Variants in NRXN3 observed in about 807,000 individuals in gnomAD.
The protein encoded by NRXN3 is neurexin 3.
A neutral mutation model predicts 137.6 loss-of-function variants in NRXN3; 32 were observed. The observed-to-expected ratio is 0.23, with a 90% CI of 0.18 to 0.31. NRXN3 has a LOEUF of 0.31. Among genes scored for constraint, NRXN3 ranks in the 10% least tolerant of loss-of-function variants. The pLI is 1.00. For synonymous variants in NRXN3, 798 were observed against 784.5 expected (o/e 1.02, Z -0.29); for missense variants, 1,574 against 2,062.5 (o/e 0.76, Z 4.59).
intron 19 of NRXN3, among the ~76,000 whole-genome samples, chr14:79,720,988 A>T (rs2098842460): frequency 6.6e-6 from 1 of 152,168 alleles, no homozygotes; most frequent in Non-Finnish European, 1.5e-5. Flanking sequence ...ATACTGAGTG[A>T]GTTTTGCTCT....
At chr14:78,429,272 T>A (rs2153685667) in intron 4 of NRXN3, among the ~76,000 whole-genome samples, 1 of 151,860 alleles carries the variant, frequency 6.6e-6, no homozygotes, top group African/African-American at 2.4e-5. Context: ...AGAGATGGGG[T>A]TTTGCTATGT....
At chr14:79,705,020 C>T (rs897320323) in intron 19 of NRXN3, among the ~76,000 whole-genome samples, 1 of 152,034 alleles carries the variant, frequency 6.6e-6, no homozygotes, top group Non-Finnish European at 1.5e-5. Context: ...TAGGTCTAGT[C>T]GATGAAAGGG....
chr14:78,607,316 A>G (rs2097261399), intron 4 of NRXN3, among the ~76,000 whole-genome samples: 2 of 152,226 alleles, frequency 1.3e-5, no homozygotes, highest in African/African-American at 2.4e-5. Context: ...CCATGAAAGC[A>G]TTTGATCCTT....
At chr14:78,781,154 C>A (rs2098767884) in intron 8 of NRXN3, among the ~76,000 whole-genome samples, 1 of 152,060 alleles carries the variant, frequency 6.6e-6, no homozygotes, top group African/African-American at 2.4e-5. Flanking sequence ...GTGAAAAAAG[C>A]AAATTACTGA....
chr14:79,856,608 T>G (rs2099403085), intron 20 of NRXN3, among the ~76,000 whole-genome samples: 2 of 124,972 alleles, frequency 1.6e-5, no homozygotes, highest in Admixed American at 9.3e-5. Flanking sequence ...TTCATGCTTG[T>G]TTTTTTGTTC....
intron 10 of NRXN3, among the ~76,000 whole-genome samples, chr14:78,842,909 A>G (rs2099016546): frequency 6.6e-6 from 1 of 152,242 alleles, no homozygotes; most frequent in South Asian, 2.1e-4. Flanking sequence ...TGTTCCCTGA[A>G]CATTGCTGTT....
chr14:78,771,130 G>A (rs2098726424), intron 8 of NRXN3, among the ~76,000 whole-genome samples: 1 of 152,194 alleles, frequency 6.6e-6, no homozygotes, highest in Non-Finnish European at 1.5e-5. Context: ...TTCAGAGGTG[G>A]CACCGCTGAG....
rs373100883 is a variant in NRXN3, at chr14:78,290,655, TTAGG to T, written c.728-7172_728-7169del. 8.5e-5 allele frequency among the ~76,000 whole-genome samples: 13 copies of T among 152,264 alleles called. No homozygotes were observed. The South Asian group carries it at 2.7e-3, about 32-fold the overall frequency. On this transcript the variant is annotated intron_variant, in intron 3 of 20. Transcript: ENST00000335750. ...CCTTGTCTCAAAAAAAAAGGGGGAC[TTAGG>T]TAGAAGGTTTTTTCTAACCCTTCCC...
intron 2 of NRXN3, chr14:78,250,111 G>A (rs767362401): frequency 1.5e-5 from 8 of 516,616 alleles, no homozygotes; most frequent in African/African-American, 1.2e-4. Flanking sequence ...GAAGCTCGGG[G>A]CAAGAGGTTA....
intron 16 of NRXN3, among the ~76,000 whole-genome samples, chr14:79,604,083 G>C (rs2097963734): frequency 6.6e-6 from 1 of 151,820 alleles, no homozygotes; most frequent in Non-Finnish European, 1.5e-5. Context: ...AGTAGAGACG[G>C]GGTTTCACTG....
At chr14:79,001,075 T>C (rs773102264) in intron 15 of NRXN3, among the ~76,000 whole-genome samples, 3 of 152,198 alleles carry the variant, frequency 2.0e-5, no homozygotes, top group African/African-American at 4.8e-5. Flanking sequence ...TAATATTTGA[T>C]TGTGGCTCTA....
At chr14:78,515,550 T>C (rs1475708840) in intron 4 of NRXN3, among the ~76,000 whole-genome samples, 2 of 152,114 alleles carry the variant, frequency 1.3e-5, no homozygotes, top group African/African-American at 4.8e-5. Flanking sequence ...TAGTTCTATA[T>C]GCAACATTTT....
At chr14:79,222,557 G>A (rs112002342) in intron 15 of NRXN3, among the ~76,000 whole-genome samples, 53 of 152,222 alleles carry the variant, frequency 3.5e-4, no homozygotes, top group African/African-American at 1.1e-3. Context: ...CACAACTGCT[G>A]GATTGTATGG....
intron 10 of NRXN3, among the ~76,000 whole-genome samples, chr14:78,855,177 AT>A (rs1463184378): frequency 3.4e-5 from 5 of 148,064 alleles, no homozygotes; most frequent in African/African-American, 1.3e-4. Context: ...AAAAAAAAAC[AT>A]ACAAAAAAGG....
intron 19 of NRXN3, among the ~76,000 whole-genome samples, chr14:79,801,275 T>C (rs550725034): frequency 5.4e-4 from 82 of 152,316 alleles, no homozygotes; most frequent in African/African-American, 1.9e-3. Context: ...AAGCTCTTTA[T>C]GAGTACATTT....
chr14:78,581,379 G>A (rs113107021), intron 4 of NRXN3, among the ~76,000 whole-genome samples: 93 of 152,266 alleles, frequency 6.1e-4, no homozygotes, highest in African/African-American at 2.1e-3. Flanking sequence ...CTCTGCTTCC[G>A]GGACGACAGC....
At chr14:78,513,585 A>G (rs772405533) in intron 4 of NRXN3, among the ~76,000 whole-genome samples, 2 of 152,206 alleles carry the variant, frequency 1.3e-5, no homozygotes, top group Non-Finnish European at 2.9e-5. Context: ...CAGATAAAAA[A>G]TAAATACATG....
In NRXN3 at chr14:78,505,579, AGAT is replaced by A. The variant is rs1326046532; in HGVS notation, c.758-139537_758-139535del. On this transcript the variant is annotated intron_variant, in intron 4 of 20. Transcript: ENST00000335750. ...AAATGCTAGATGAGCAAGATGATAAAGATGATAATTAGCCTGATTTAATCATTT... is the reference window on the plus strand; with the variant it reads ...AAATGCTAGATGAGCAAGATGATAAAGATAATTAGCCTGATTTAATCATTT... Among the ~76,000 whole-genome samples the A allele has an allele frequency of 2.0e-5, 3 of 152,194 alleles. No individual in the cohort carries two copies. In the East Asian group the frequency reaches 5.8e-4, roughly 29 times the overall value.
At chr14:78,271,075 A>G (rs2072650198) in intron 2 of NRXN3, among the ~76,000 whole-genome samples, 1 of 152,232 alleles carries the variant, frequency 6.6e-6, no homozygotes, top group South Asian at 2.1e-4. Context: ...CCTACACTTT[A>G]CAATGATTCA....
Sources: allele counts gnomAD v4.1 joint callset (sites outside exome capture counted in the v4.1 genomes callset), GRCh38; gene constraint gnomAD v4.1.1; transcripts MANE v1.5; gene names NCBI Gene and HGNC (gene_info 2026-07-23, HGNC 2026-07-21).